Variants in SVIL observed in about 807,000 individuals in gnomAD.
The protein encoded by SVIL is archvillin.
A neutral mutation model predicts 240.4 loss-of-function variants in SVIL; 101 were observed. That is an observed-to-expected ratio of 0.42 (90% CI 0.36 to 0.50). The LOEUF (loss-of-function observed/expected upper bound fraction) is 0.50, where lower values mean the gene tolerates loss of function less well. Among genes scored for constraint, SVIL ranks in the 20% least tolerant of loss-of-function variants. SVIL has a pLI of 0.01. For missense variants in SVIL, 2,512 were observed against 2,818.7 expected, an observed-to-expected ratio of 0.89 and a Z score of 2.46; for synonymous variants, 999 against 1,100.0, an observed-to-expected ratio of 0.91 and a Z score of 1.82.
Position 29,492,417 on chromosome 10 carries a change from A to G in SVIL, c.4019+797T>C, listed in dbSNP as rs1948050283. 2.0e-5 allele frequency among the ~76,000 whole-genome samples: 3 copies of G among 152,058 alleles called. No homozygotes were observed. In the South Asian group the frequency reaches 6.2e-4, roughly 32 times the overall value. Reference sequence around the variant, plus strand: ...GGAGAGTGAGGCCAGCCCAAAGGAAAACAGCCAAGACAGACTGTGTTCTGA... The same window carrying G: ...GGAGAGTGAGGCCAGCCCAAAGGAAGACAGCCAAGACAGACTGTGTTCTGA... On this transcript the variant is annotated intron_variant, in intron 21 of 37. Coordinates refer to ENST00000355867, the MANE Select transcript of SVIL (RefSeq NM_021738.3).
At position 29,735,442 on chromosome 10, in the gene SVIL, C is replaced by G. The variant is rs544355149; in HGVS notation, c.-400+309G>C. Among the ~76,000 whole-genome samples the G allele has an allele frequency of 6.6e-6, 1 of 151,808 alleles. No individual in the cohort carries two copies. The highest frequency in any genetic ancestry group is 1.5e-5 in the Non-Finnish European group (1 of 67,902). ...CCGCGGAGAGAAACCCTGCCCCGGC[C>G]CGCTCCTCCCCGAGGCGCGCTCCGG... On this transcript the variant is annotated intron_variant, in intron 1 of 35. Coordinates refer to the SVIL transcript ENST00000375400. This position sits in a 1 kb window ranked among gnomAD's most constrained non-coding sequence, Gnocchi z 4.1.
chr10:29,671,280 G>A (rs1485516030), intron 2 of SVIL, among the ~76,000 whole-genome samples: 1 of 152,072 alleles, frequency 6.6e-6, no homozygotes, highest in Non-Finnish European at 1.5e-5. Context: ...TCTTAGTCAC[G>A]TAGCCCCGGG....
intron 3 of SVIL, among the ~76,000 whole-genome samples, chr10:29,655,522 C>G (rs537686859): frequency 1.3e-5 from 2 of 152,292 alleles, no homozygotes; most frequent in African/African-American, 4.8e-5. Context: ...TGGTGCCCAC[C>G]CACAGCAAGG....
chr10:29,548,666 G>A (rs1282531252), intron 6 of SVIL, among the ~76,000 whole-genome samples: 1 of 152,120 alleles, frequency 6.6e-6, no homozygotes, highest in Non-Finnish European at 1.5e-5. Context: ...ACAGAACTAG[G>A]CATTCTAGTT....
intron 17 of SVIL, chr10:29,508,004 A>C (rs1949506768): frequency 5.1e-6 from 1 of 196,570 alleles, no homozygotes; most frequent in South Asian, 9.5e-5. Flanking sequence ...AAATCCACAC[A>C]AGCGCGGTAA....
intron 3 of SVIL, among the ~76,000 whole-genome samples, chr10:29,640,098 C>T (rs1203574968): frequency 6.6e-6 from 1 of 152,128 alleles, no homozygotes; most frequent in Non-Finnish European, 1.5e-5. Flanking sequence ...CTCTTGCCTA[C>T]CTTCTCTTCT....
intron 1 of SVIL, among the ~76,000 whole-genome samples, chr10:29,606,695 C>T (rs964735477): frequency 2.2e-4 from 33 of 152,042 alleles, no homozygotes; most frequent in African/African-American, 7.0e-4. Flanking sequence ...TGTATTTTTA[C>T]GGTTGGTTTT....
chr10:29,729,690 T>C (rs370624703), intron 1 of SVIL, among the ~76,000 whole-genome samples: 10,076 of 100,434 alleles, frequency 0.1, 16 homozygotes, highest in Middle Eastern at 0.2. Context: ...AAAAAGTAGC[T>C]GGGTGTGGTG....
chr10:29,638,812 T>C (rs1292295540), upstream of SVIL, among the ~76,000 whole-genome samples: 1 of 152,136 alleles, frequency 6.6e-6, no homozygotes, highest in Non-Finnish European at 1.5e-5. Context: ...CTAGGGCCCA[T>C]CCAAAAATAA....
intron 1 of SVIL, among the ~76,000 whole-genome samples, chr10:29,603,200 C>T (rs1426768559): frequency 3.3e-5 from 5 of 151,940 alleles, no homozygotes; most frequent in African/African-American, 9.7e-5. Flanking sequence ...CTGGGAGAAA[C>T]GATGTGAAAG....
rs1017209152 is a variant in SVIL, at chr10:29,549,076, G to A, written c.827+1521C>T. 7.9e-5 allele frequency among the ~76,000 whole-genome samples: 12 copies of A among 151,238 alleles called. 4 individuals carry two copies. Among genetic ancestry groups the A allele is most frequent in the Admixed American group, 7.9e-4 (12 of 15,204 alleles). On this transcript the variant is annotated intron_variant, in intron 6 of 37. Coordinates refer to ENST00000355867, the MANE Select transcript of SVIL (RefSeq NM_021738.3). ...AAAGAAACTACCATCAGAGTGAACAGGCAACCCACAAAATGGGAGAAAATT... is the reference window on the plus strand; with the variant it reads ...AAAGAAACTACCATCAGAGTGAACAAGCAACCCACAAAATGGGAGAAAATT...
At chr10:29,733,481 AT>A (rs547086402) in intron 1 of SVIL, among the ~76,000 whole-genome samples, 1 of 152,020 alleles carries the variant, frequency 6.6e-6, no homozygotes, top group East Asian at 1.9e-4. Flanking sequence ...ATTTTTAAAT[AT>A]TTTGTAGAAA....
Position 29,550,865 on chromosome 10 carries a change from G to A in SVIL, c.559C>T (p.Leu187Phe), listed in dbSNP as rs561258895. The change falls in exon 6 of 38, where the codon CTC (leucine) becomes TTC (phenylalanine). Residue 187 changes from leucine to phenylalanine, a missense_variant. Leu to Phe is a conservative substitution (Grantham distance 22, BLOSUM62 0). Transcript: ENST00000355867. ...TCAGESKDYA[L>F]HVGDGSSDPE... Reference sequence around the variant, plus strand: ...TCGGAAGAGCCGTCACCCACATGGAGGGCATAGTCCTTGGATTCACCGGCA... The same window carrying A: ...TCGGAAGAGCCGTCACCCACATGGAAGGCATAGTCCTTGGATTCACCGGCA... 137 of 1,614,044 alleles carry A rather than the reference G, an allele frequency of 8.5e-5. No homozygotes were observed. The South Asian group carries it at 1.4e-3, about 16-fold the overall frequency.
chr10:29,626,081 C>A (rs1225354768), intron 1 of SVIL, among the ~76,000 whole-genome samples: 1 of 152,142 alleles, frequency 6.6e-6, no homozygotes, highest in Non-Finnish European at 1.5e-5. Context: ...AGGATGCAAA[C>A]TTGTAGTTAC....
chr10:29,563,326 T>C (rs1413953359), intron 2 of SVIL, 34 bp from the exon 3 acceptor site: 2 of 944,502 alleles, frequency 2.1e-6, no homozygotes, highest in East Asian at 2.3e-4. Flanking sequence ...GTTAAGTCCA[T>C]TTAAATAAAG....
At chr10:29,586,108 C>G (rs1956157185) in intron 1 of SVIL, among the ~76,000 whole-genome samples, 1 of 152,194 alleles carries the variant, frequency 6.6e-6, no homozygotes, top group African/African-American at 2.4e-5. Flanking sequence ...TTCAGCCTTA[C>G]AGGTTCCGTT....
rs1193084265 is a variant in SVIL at position 29,481,667 on chromosome 10, T to C, written c.5017A>G (p.Ile1673Val). ...TCCAGAAACTTCTCTTTGAACAAAA[T>C]CGTCTCATTGTGTTCAGTAAGTCTC... ...FGRLTEHNETILFKEKFLDWT... is the reference protein window; with the variant it reads ...FGRLTEHNETVLFKEKFLDWT... Residue 1673 changes from isoleucine to valine, a missense_variant, in exon 28 of 38, where the codon ATT becomes GTT. By Grantham distance (29) the Ile-to-Val change is conservative. This residue lies in a region of SVIL where 797 missense variants were observed against 925.3 expected (regional missense o/e 0.86). Coordinates refer to ENST00000355867, the MANE Select transcript of SVIL (RefSeq NM_021738.3). The C allele has an allele frequency of 6.2e-7, 1 of 1,613,942 alleles. No individual in the cohort carries two copies. Among genetic ancestry groups the C allele is most frequent in the African/African-American group, 1.3e-5 (1 of 74,850 alleles).
At chr10:29,646,130 T>G (rs1199384595) in intron 3 of SVIL, among the ~76,000 whole-genome samples, 1 of 152,166 alleles carries the variant, frequency 6.6e-6, no homozygotes, top group Non-Finnish European at 1.5e-5. Flanking sequence ...CTTGAACGAA[T>G]AAGGCAAATA....
intron 1 of SVIL, among the ~76,000 whole-genome samples, chr10:29,581,392 T>A (rs2132764277): frequency 6.6e-6 from 1 of 152,330 alleles, no homozygotes; most frequent in Middle Eastern, 3.4e-3. Context: ...TGAGATGCTC[T>A]GTGAATTTTG....
Sources: allele counts gnomAD v4.1 joint callset (sites outside exome capture counted in the v4.1 genomes callset), GRCh38; gene constraint gnomAD v4.1.1; regional missense constraint gnomAD v4.1.1; non-coding constraint Gnocchi (gnomAD v3.1); transcripts MANE v1.5; gene names NCBI Gene and HGNC (gene_info 2026-07-23, HGNC 2026-07-21).